PCNX1: variants seen among roughly 807,000 people sequenced by gnomAD.
PCNX1 encodes the protein pecanex-like protein 1.
In PCNX1, 78 loss-of-function variants were observed where a neutral mutation model predicts 242.2. The observed-to-expected ratio is 0.32, with a 90% confidence interval of 0.27 to 0.39. The LOEUF (loss-of-function observed/expected upper bound fraction) is 0.39, where lower values mean the gene tolerates loss of function less well. PCNX1 is among the 10% of genes least tolerant of loss of function. The pLI is 1.00. For synonymous variants in PCNX1, 1,024 were observed against 1,032.9 expected (o/e 0.99, Z 0.17); for missense variants, 2,581 against 2,856.5 (o/e 0.90, Z 2.20).
At chr14:71,007,835 TA>T (rs1160669137) in intron 8 of PCNX1, among the ~76,000 whole-genome samples, 1 of 152,114 alleles carries the variant, frequency 6.6e-6, no homozygotes, top group Admixed American at 6.5e-5. Context: ...CCTACCACTT[TA>T]AAAAAACTTT....
rs1221704513 is a variant in PCNX1 at position 71,114,633 on chromosome 14, A to G, written c.*4698A>G. ...TAGAGCTGATTGTCACCACAAGGTT[A>G]TATGACAACTCTGTTCTAAGACTTA... On this transcript the variant is annotated 3_prime_UTR_variant, in exon 36 of 36. Transcript: ENST00000304743. 1 of 152,632 alleles carries G rather than the reference A, an allele frequency of 6.6e-6. No homozygotes were observed. Among genetic ancestry groups the G allele is most frequent in the Non-Finnish European group, 1.5e-5 (1 of 68,042 alleles). The allele number at this position is 152,632 out of a possible 1,614,324, so 9.5% of individuals were successfully genotyped here.
At position 70,926,572 on chromosome 14, in the gene PCNX1, A is replaced by G. The variant is rs1594913476; in HGVS notation, c.153+18569A>G. ...GCAGTGCTGTAGGCCTCTAGTGGGT[A>G]GAAACCAAGGGGATTTTAAACCTCC... On this transcript the variant is annotated intron_variant, in intron 1 of 35. Coordinates refer to ENST00000304743, the MANE Select transcript of PCNX1 (RefSeq NM_014982.3). Among the ~76,000 whole-genome samples, 3 of 152,292 alleles carry G rather than the reference A, an allele frequency of 2.0e-5. No homozygotes were observed. In the South Asian group the frequency reaches 6.2e-4, roughly 32 times the overall value.
At chr14:71,023,291 G>C in intron 13 of PCNX1, 59 bp downstream of exon 13, 1 of 1,336,798 alleles carries the variant, frequency 7.5e-7, no homozygotes, top group Non-Finnish European at 1.1e-6. Context: ...CATAATATTT[G>C]TGGTTTGTTT....
chr14:71,114,563 T>TTATC lies in PCNX1; in HGVS notation c.*4630_*4633dup, dbSNP rs1325015274. 1 of 152,688 alleles carries TTATC rather than the reference T, an allele frequency of 6.5e-6. No homozygotes were observed. Among genetic ancestry groups the TTATC allele is most frequent in the Non-Finnish European group, 1.5e-5 (1 of 68,048 alleles). The allele number at this position is 152,688 out of a possible 1,614,324, so 9.5% of individuals were successfully genotyped here. A position where few individuals can be genotyped will look rare whatever the true frequency, so the allele number is the denominator to read the frequency against. ...ACTTCTATTTGTGAGTTGAACTTCA[T>TTATC]TATCTGCCATTTTGTGGAATCAACC... On this transcript the variant is annotated 3_prime_UTR_variant, in exon 36 of 36. Coordinates refer to ENST00000304743, the MANE Select transcript of PCNX1 (RefSeq NM_014982.3).
At chr14:70,947,786 G>A (rs982778441) in intron 2 of PCNX1, among the ~76,000 whole-genome samples, 1 of 152,190 alleles carries the variant, frequency 6.6e-6, no homozygotes. Context: ...CTGCCTGCGG[G>A]CTGGGCGGAA....
intron 8 of PCNX1, among the ~76,000 whole-genome samples, chr14:70,997,504 T>C (rs2059386965): frequency 6.6e-6 from 1 of 152,184 alleles, no homozygotes; most frequent in Non-Finnish European, 1.5e-5. Context: ...TTGAAAATAC[T>C]TACATATGAA....
chr14:71,050,648 G>A lies in PCNX1; in HGVS notation c.4339-4G>A. 2 of 1,548,744 alleles carry A rather than the reference G, an allele frequency of 1.3e-6. No individual in the cohort carries two copies. Among genetic ancestry groups the A allele is most frequent in the Non-Finnish European group, 8.7e-7 (1 of 1,149,054 alleles). On this transcript the variant is annotated splice_region_variant and splice_polypyrimidine_tract_variant and intron_variant, in intron 22 of 35. Coordinates refer to ENST00000304743, the MANE Select transcript of PCNX1 (RefSeq NM_014982.3). The stretch of plus-strand genomic sequence containing the variant: ...TACTGACAGCCATTCTTTTCCTCCT[G>A]CAGCTTTGGGAACTACTTTATAAAT...
chr14:70,940,145 G>A (rs1440963834), intron 1 of PCNX1, among the ~76,000 whole-genome samples: 1 of 152,068 alleles, frequency 6.6e-6, no homozygotes, highest in Admixed American at 6.6e-5. Flanking sequence ...GGTTAATATT[G>A]TTATGTGTGA....
intron 30 of PCNX1, among the ~76,000 whole-genome samples, chr14:71,098,243 T>C (rs191666995): frequency 3.3e-5 from 5 of 152,194 alleles, no homozygotes; most frequent in East Asian, 1.9e-4. Flanking sequence ...TTTTTACTTA[T>C]AATTGTTTTG....
chr14:70,923,917 A>AT (rs1376521009), intron 1 of PCNX1, among the ~76,000 whole-genome samples: 2 of 152,268 alleles, frequency 1.3e-5, no homozygotes, highest in Middle Eastern at 3.4e-3. Flanking sequence ...TCAAAGGGCT[A>AT]ATACTTCTGC....
At chr14:70,919,907 A>G (rs2056312146) in intron 1 of PCNX1, among the ~76,000 whole-genome samples, 1 of 152,000 alleles carries the variant, frequency 6.6e-6, no homozygotes, top group Non-Finnish European at 1.5e-5. Flanking sequence ...TGAGGTTTTA[A>G]GGGGGAAAAA....
At chr14:70,998,038 C>T (rs1187408537) in intron 8 of PCNX1, among the ~76,000 whole-genome samples, 1 of 151,976 alleles carries the variant, frequency 6.6e-6, no homozygotes, top group Non-Finnish European at 1.5e-5. Flanking sequence ...TATGCATATG[C>T]ATAATTTGTT....
At chr14:70,943,385 G>A (rs1303313964) in intron 1 of PCNX1, among the ~76,000 whole-genome samples, 1 of 152,162 alleles carries the variant, frequency 6.6e-6, no homozygotes, top group Admixed American at 6.5e-5. Context: ...ATGGACATGA[G>A]GAACTTATTA....
chr14:70,945,902 A>T (rs929582886), intron 1 of PCNX1, among the ~76,000 whole-genome samples: 1 of 152,336 alleles, frequency 6.6e-6, no homozygotes, highest in East Asian at 1.9e-4. Flanking sequence ...TTGTGAAAAC[A>T]TGTGGGATCT....
Position 71,108,987 on chromosome 14 carries a change from A to C in PCNX1, c.6685A>C (p.Thr2229Pro). 6.2e-7 allele frequency: 1 copy of C among 1,614,198 alleles called. No individual in the cohort carries two copies. ...TGCCACTGATGCACAGCCAGGCAAC[A>C]CCTTAAGTCCTGCCAACAATTCACA... ...SSATDAQPGN[T>P]LSPANNSHSR... Residue 2229 changes from threonine (T) to proline (P), a missense_variant, in exon 34 of 36, where the codon ACC (threonine) becomes CCC (proline). Physicochemically the swap from Thr to Pro is conservative, Grantham distance 38. Around this residue, in one of 9 missense-constraint regions of PCNX1, gnomAD observed 432 missense variants for 433.6 expected, o/e 1.00. Transcript: ENST00000304743.
In PCNX1 at chr14:71,012,976, T is replaced by A; in HGVS notation, c.2779-9T>A. ...TATTTTAAGCCTTTCAATGCTGACT[T>A]TCTTTTAGCTCTCTCTCCCACAGAT... On this transcript the variant is annotated splice_polypyrimidine_tract_variant and intron_variant, in intron 10 of 35. Transcript: ENST00000304743. 1.9e-6 allele frequency: 3 copies of A among 1,596,576 alleles called. No individual in the cohort carries two copies. Among genetic ancestry groups the A allele is most frequent in the Non-Finnish European group, 2.6e-6 (3 of 1,164,052 alleles).
intron 26 of PCNX1, among the ~76,000 whole-genome samples, chr14:71,072,560 C>T (rs1016745295): frequency 6.6e-6 from 1 of 152,078 alleles, no homozygotes; most frequent in Non-Finnish European, 1.5e-5. Flanking sequence ...TCAGCTGGGA[C>T]TAGGTGTCAT....
At chr14:71,087,552 G>A (rs951744298) in intron 28 of PCNX1, among the ~76,000 whole-genome samples, 4 of 152,164 alleles carry the variant, frequency 2.6e-5, no homozygotes, top group South Asian at 4.1e-4. Flanking sequence ...CACCTGGAGA[G>A]TGATTGCTTG....
chr14:70,910,583 C>T (rs910269272), intron 1 of PCNX1, among the ~76,000 whole-genome samples: 4 of 152,154 alleles, frequency 2.6e-5, no homozygotes, highest in South Asian at 2.1e-4. Flanking sequence ...TTCTCATATA[C>T]GTGAGGCTTT....
Sources: allele counts gnomAD v4.1 joint callset (sites outside exome capture counted in the v4.1 genomes callset), GRCh38; gene constraint gnomAD v4.1.1; regional missense constraint gnomAD v4.1.1; transcripts MANE v1.5; gene names NCBI Gene and HGNC (gene_info 2026-07-23, HGNC 2026-07-21).